Variants in EIF2AK2 observed in about 807,000 individuals in gnomAD.
EIF2AK2 encodes eukaryotic translation initiation factor 2 alpha kinase 2.
In EIF2AK2, 40 loss-of-function variants were observed where a neutral mutation model predicts 70.5. The observed-to-expected ratio is 0.57, with a 90% CI of 0.44 to 0.74. The LOEUF is 0.74. Ranked by LOEUF, EIF2AK2 falls within the 30% of genes least tolerant of loss-of-function variation. EIF2AK2 has a pLI of 0.00. For missense variants in EIF2AK2, 555 were observed against 644.3 expected, an observed-to-expected ratio of 0.86 and a Z score of 1.50; for synonymous variants, 198 against 220.9, an observed-to-expected ratio of 0.90 and a Z score of 0.92.
In EIF2AK2 at chr2:37,122,681, G is replaced by T; in HGVS notation, c.909-17C>A. ...TCCGCCTTCCTAGTTAAAAGGAACA[G>T]GGAACATGGCAGTGTCAGTGTACAT... On this transcript the variant is annotated splice_polypyrimidine_tract_variant and intron_variant, in intron 11 of 16. Coordinates refer to ENST00000233057, the MANE Select transcript of EIF2AK2 (RefSeq NM_001135651.3). The T allele has an allele frequency of 3.1e-6, 5 of 1,614,072 alleles. No individual in the cohort carries two copies. Among genetic ancestry groups the T allele is most frequent in the South Asian group, 1.1e-5 (1 of 91,048 alleles).
chr2:37,140,367 T>A (rs1283248438), intron 5 of EIF2AK2, among the ~76,000 whole-genome samples: 1 of 152,222 alleles, frequency 6.6e-6, no homozygotes, highest in East Asian at 1.9e-4. Context: ...GACAATTATA[T>A]AATAACTATT....
At position 37,109,368 on chromosome 2, in the gene EIF2AK2, A is replaced by G. The variant is rs1177416340; in HGVS notation, c.1378-73T>C. 4 of 1,363,256 alleles carry G rather than the reference A, an allele frequency of 2.9e-6. No homozygotes were observed. In the African/African-American group the frequency reaches 5.9e-5, roughly 20 times the overall value. 84.4% of individuals were successfully genotyped at this position (1,363,256 alleles called of 1,614,324 possible). A position where few individuals can be genotyped will look rare whatever the true frequency, so the allele number is the denominator to read the frequency against. On this transcript the variant is annotated intron_variant, in intron 14 of 16. Transcript: ENST00000233057. ...TATCCAGCCTTCTAAAGCCCAAAAA[A>G]GTTATTTGACCAAAACATCTTACAC...
At chr2:37,110,132 G>A (rs548061596) in intron 14 of EIF2AK2, among the ~76,000 whole-genome samples, 30 of 151,760 alleles carry the variant, frequency 2.0e-4, no homozygotes, top group Admixed American at 5.9e-4. Flanking sequence ...ATGCAGTGGC[G>A]TGGTCTCGGC....
intron 4 of EIF2AK2, among the ~76,000 whole-genome samples, chr2:37,143,737 GGCCAGGTGTGGTGGCTCGT>G (rs1675424241): frequency 6.6e-6 from 1 of 151,596 alleles, no homozygotes; most frequent in Admixed American, 6.6e-5. Context: ...TGCAAAAATT[GGCCAGGTGTGGTGGCTCGT>G]GCCTGTAGTC....
rs760935419 is a variant in EIF2AK2 at position 37,138,322 on chromosome 2, G to T, written c.635C>A (p.Thr212Lys). The T allele has an allele frequency of 6.2e-7, 1 of 1,613,984 alleles. No individual in the cohort carries two copies. Among genetic ancestry groups the T allele is most frequent in the East Asian group, 2.2e-5 (1 of 44,836 alleles). ...GTCACTGTTAGAATTTATCTCTGAT[G>T]TATCTGCTGAGAAGTCACCTTCAGA... is the stretch of plus-strand genomic sequence containing the variant. The part of the protein sequence containing the change: ...SSSEGDFSAD[T>K]SEINSNSDSL... Residue 212 changes from threonine (T) to lysine (K), a missense_variant, in exon 8 of 17, where the codon ACA becomes AAA. By Grantham distance (78) the Thr-to-Lys change is moderately conservative. Around this residue, in one of 3 missense-constraint regions of EIF2AK2, gnomAD observed 208 missense variants for 191.8 expected, o/e 1.08. Transcript: ENST00000233057.
At chr2:37,139,839 T>G (rs1469444023) in intron 5 of EIF2AK2, 82 bp from the exon 6 acceptor site, 5 of 1,380,344 alleles carry the variant, frequency 3.6e-6, no homozygotes, top group Middle Eastern at 2.2e-4. Flanking sequence ...AATAACATAT[T>G]AACAGAGATC....
chr2:37,123,873 T>C (rs1465670448), intron 11 of EIF2AK2, among the ~76,000 whole-genome samples: 2 of 152,220 alleles, frequency 1.3e-5, no homozygotes, highest in African/African-American at 4.8e-5. Flanking sequence ...TACAATTTTA[T>C]TTTTTAATGC....
chr2:37,126,981 A>AAAAAAAAAAAAAAAAAAAAAAC (rs1674757505), intron 10 of EIF2AK2, among the ~76,000 whole-genome samples: 3 of 104,042 alleles, frequency 2.9e-5, no homozygotes, highest in Non-Finnish European at 6.3e-5. Context: ...AAAAAAAAAA[A>AAAAAAAAAAAAAAAAAAAAAAC]AAAAAAAAAA....
intron 4 of EIF2AK2, among the ~76,000 whole-genome samples, chr2:37,143,373 T>G (rs1273725454): frequency 6.6e-6 from 1 of 152,152 alleles, no homozygotes; most frequent in Non-Finnish European, 1.5e-5. Context: ...TCTGCACTAT[T>G]TACTCTGTTC....
rs1451845505 is a variant in EIF2AK2, at chr2:37,102,624, CAT to C, written c.*4647_*4648del. ...ATTATATAAAATACATATTCATACA[CAT>C]ATGTGCACACACACAGGATGGCTTC... On this transcript the variant is annotated 3_prime_UTR_variant, in exon 17 of 17. Transcript: ENST00000233057. The C allele has an allele frequency of 2.0e-5, 3 of 152,134 alleles. No homozygotes were observed. Among genetic ancestry groups the C allele is most frequent in the African/African-American group, 2.4e-5 (1 of 41,420 alleles). The allele number at this position is 152,134 out of a possible 1,614,324, so 9.4% of individuals were successfully genotyped here. A position where few individuals can be genotyped will look rare whatever the true frequency, so the allele number is the denominator to read the frequency against.
chr2:37,156,130 A>G (rs1043997365), intron 1 of EIF2AK2, among the ~76,000 whole-genome samples: 1 of 152,130 alleles, frequency 6.6e-6, no homozygotes, highest in Non-Finnish European at 1.5e-5. Context: ...GGATTTCCCC[A>G]TGCAGTTATC....
rs1553340565 is a variant in EIF2AK2, at chr2:37,153,337, C to CTT, written c.-184+3569_-184+3570dup. 8.2e-3 allele frequency among the ~76,000 whole-genome samples: 906 copies of CTT among 109,856 alleles called. 25 individuals carry two copies. The highest frequency in any genetic ancestry group is 0.028 in the African/African-American group (836 of 30,240). The allele number at this position is 109,856 out of a possible 152,430, so 72.1% of individuals were successfully genotyped here. On this transcript the variant is annotated intron_variant, in intron 1 of 16. Coordinates refer to ENST00000233057, the MANE Select transcript of EIF2AK2 (RefSeq NM_001135651.3). Reference sequence around the variant, plus strand: ...CCCAGTCCTTTCAGTCTCTGCTAATCTTTTTTTTTTTTTTTTTTTTTGAGA... The same window carrying CTT: ...CCCAGTCCTTTCAGTCTCTGCTAATCTTTTTTTTTTTTTTTTTTTTTTTGAGA...
At chr2:37,135,624 TTTTC>T (rs1675101358) in intron 9 of EIF2AK2, 78 bp from the exon 10 acceptor site, 4 of 1,356,446 alleles carry the variant, frequency 2.9e-6, no homozygotes, top group East Asian at 2.3e-5. Flanking sequence ...ATGTTAACCT[TTTTC>T]TTTCTTTTTT....
intron 8 of EIF2AK2, 38 bp from the exon 9 acceptor site, chr2:37,137,055 TA>T: frequency 1.9e-6 from 3 of 1,556,410 alleles, no homozygotes; most frequent in Admixed American, 1.9e-5. Context: ...TTCAGATGAC[TA>T]AATCAGTCAT....
rs1032979852 is a variant in EIF2AK2 at position 37,100,629 on chromosome 2, G to T, written c.*6644C>A. On this transcript the variant is annotated 3_prime_UTR_variant, in exon 17 of 17. Transcript: ENST00000233057. The stretch of plus-strand genomic sequence containing the variant: ...AAGATTTGGATAAGTCATAATCACA[G>T]ATCAGAAACTGCAGACATTGAGGCC... 5.9e-5 allele frequency: 9 copies of T among 152,188 alleles called. No homozygotes were observed. Among genetic ancestry groups the T allele is most frequent in the Non-Finnish European group, 1.2e-4 (8 of 68,038 alleles). The allele number at this position is 152,188 out of a possible 1,614,324, so 9.4% of individuals were successfully genotyped here. A position where few individuals can be genotyped will look rare whatever the true frequency, so the allele number is the denominator to read the frequency against.
At chr2:37,136,939 TA>T in intron 9 of EIF2AK2, 43 bp downstream of exon 9, 1 of 1,562,876 alleles carries the variant, frequency 6.4e-7, no homozygotes, top group South Asian at 1.2e-5. Context: ...AAGTCTGAAA[TA>T]AAACTTCAGA....
chr2:37,110,450 G>A (rs1370865893), intron 14 of EIF2AK2, among the ~76,000 whole-genome samples: 1 of 152,018 alleles, frequency 6.6e-6, no homozygotes, highest in African/African-American at 2.4e-5. Flanking sequence ...AAAAAGTAAA[G>A]TACAATGATG....
At chr2:37,145,852 A>G (rs1200455262) in intron 4 of EIF2AK2, among the ~76,000 whole-genome samples, 2 of 138,356 alleles carry the variant, frequency 1.4e-5, no homozygotes, top group Non-Finnish European at 3.0e-5. Context: ...TCCCGGGTTC[A>G]AGCAATTCTC....
chr2:37,135,058 A>T (rs910912285), intron 10 of EIF2AK2, among the ~76,000 whole-genome samples: 2 of 152,250 alleles, frequency 1.3e-5, no homozygotes, highest in Non-Finnish European at 1.5e-5. Context: ...CTGAAGCATT[A>T]TAAGAGTCCA....
Sources: gnomAD v4.1 joint callset for allele counts (sites outside exome capture counted in the v4.1 genomes callset) on GRCh38, gnomAD v4.1.1 for gene constraint, gnomAD v4.1.1 regional missense constraint, MANE v1.5 for transcripts, NCBI Gene and HGNC (gene_info 2026-07-23, HGNC 2026-07-21) for gene names.